Variants in EPM2A observed in about 807,000 individuals in gnomAD.
The protein encoded by EPM2A is EPM2A glucan phosphatase, laforin.
Under a neutral mutation model 26.5 loss-of-function variants are expected in EPM2A, and 21 were observed. That is an observed-to-expected ratio of 0.79 (90% CI 0.56 to 1.14). The LOEUF (loss-of-function observed/expected upper bound fraction) is 1.14, where lower values mean the gene tolerates loss of function less well. Ranked by LOEUF, EPM2A falls within the 50% of genes most tolerant of loss-of-function variation. The pLI is 0.00. For synonymous variants in EPM2A, 217 were observed against 177.6 expected (o/e 1.22, Z -1.76); for missense variants, 458 against 440.8 (o/e 1.04, Z -0.35).
At chr6:145,727,628 C>T (rs1583137616) in intron 1 of EPM2A, among the ~76,000 whole-genome samples, 1 of 152,172 alleles carries the variant, frequency 6.6e-6, no homozygotes, top group East Asian at 1.9e-4. Context: ...TACACATAGT[C>T]CCTACACTCA....
intron 2 of EPM2A, among the ~76,000 whole-genome samples, chr6:145,660,132 G>A (rs1477095303): frequency 1.3e-5 from 2 of 152,004 alleles, no homozygotes; most frequent in Non-Finnish European, 2.9e-5. Context: ...TTTGTCTCTA[G>A]CATGAGACTA....
intron 2 of EPM2A, among the ~76,000 whole-genome samples, chr6:145,560,265 C>G (rs1780786611): frequency 6.6e-6 from 1 of 152,112 alleles, no homozygotes; most frequent in Non-Finnish European, 1.5e-5. Flanking sequence ...GCAATCCACA[C>G]TTTTCTAGGA....
intron 1 of EPM2A, among the ~76,000 whole-genome samples, chr6:145,729,090 A>G (rs1256222470): frequency 1.3e-5 from 2 of 152,242 alleles, no homozygotes; most frequent in Non-Finnish European, 2.9e-5. Flanking sequence ...GCTAGTGCAC[A>G]GAGGGCAAGA....
intron 2 of EPM2A, among the ~76,000 whole-genome samples, chr6:145,597,587 T>C (rs1316947041): frequency 6.6e-6 from 1 of 152,106 alleles, no homozygotes; most frequent in Non-Finnish European, 1.5e-5. Context: ...TTTTTTTAAC[T>C]TTTCTTTTAG....
chr6:145,716,278 G>C (rs998126574), intron 1 of EPM2A, among the ~76,000 whole-genome samples: 3 of 152,140 alleles, frequency 2.0e-5, no homozygotes, highest in African/African-American at 7.2e-5. Flanking sequence ...ACTTTAAATG[G>C]ATGAATTCTA....
chr6:145,426,929 G>C (rs1318152878), intron 4 of EPM2A, among the ~76,000 whole-genome samples: 2 of 152,116 alleles, frequency 1.3e-5, no homozygotes, highest in African/African-American at 4.8e-5. Flanking sequence ...TGATGAAAGA[G>C]AATTATTTCT....
chr6:145,489,586 C>A (rs1339747898), intron 4 of EPM2A: 12 of 1,030,136 alleles, frequency 1.2e-5, no homozygotes, highest in Middle Eastern at 3.2e-4. Flanking sequence ...ATAATCCGTT[C>A]AAAAACCCAA....
intron 4 of EPM2A, among the ~76,000 whole-genome samples, chr6:145,386,686 C>T (rs1778266129): frequency 6.6e-6 from 1 of 152,000 alleles, no homozygotes; most frequent in Non-Finnish European, 1.5e-5. Context: ...AAATAAAAGG[C>T]CATATTCTGA....
At chr6:145,673,896 T>G (rs975958893) in intron 2 of EPM2A, among the ~76,000 whole-genome samples, 2 of 152,122 alleles carry the variant, frequency 1.3e-5, no homozygotes, top group Non-Finnish European at 2.9e-5. Context: ...GACTTAAACA[T>G]CCCTGTCTGA....
At chr6:145,436,697 TG>T (rs1335100463) in intron 4 of EPM2A, among the ~76,000 whole-genome samples, 1 of 152,212 alleles carries the variant, frequency 6.6e-6, no homozygotes, top group African/African-American at 2.4e-5. Context: ...TATCTTCACT[TG>T]TTCAATTTTA....
In EPM2A at chr6:145,416,867, A is replaced by AT. The variant is rs200461578; in HGVS notation, c.556-32771dup. Among the ~76,000 whole-genome samples, 948 of 147,604 alleles carry AT rather than the reference A, an allele frequency of 6.4e-3. 6 individuals are homozygous for AT. The highest frequency in any genetic ancestry group is 0.01 in the South Asian group (48 of 4,688). ...GTAGGAAATGTACACTGATTTCTTA[A>AT]TTTTTTTTTTTTACTGTCATTATAT... On this transcript the variant is annotated intron_variant, in intron 4 of 4. Coordinates refer to the EPM2A transcript ENST00000638717.
At chr6:145,521,992 G>A (rs1441297854) in intron 2 of EPM2A, among the ~76,000 whole-genome samples, 3 of 152,094 alleles carry the variant, frequency 2.0e-5, no homozygotes, top group African/African-American at 7.2e-5. Context: ...TCCCTCTGTC[G>A]CCCAGGCTGG....
At chr6:145,690,284 G>A (rs1056780613) in intron 1 of EPM2A, among the ~76,000 whole-genome samples, 1 of 152,042 alleles carries the variant, frequency 6.6e-6, no homozygotes, top group African/African-American at 2.4e-5. Flanking sequence ...GCCGAGGCGG[G>A]TGGATCATGA....
intron 2 of EPM2A, among the ~76,000 whole-genome samples, chr6:145,681,027 A>G (rs989003885): frequency 7.9e-5 from 12 of 151,914 alleles, no homozygotes; most frequent in Non-Finnish European, 1.6e-4. Flanking sequence ...AAGTGTTCCT[A>G]TTTCTCCACA....
chr6:145,391,731 G>A (rs975857303), intron 4 of EPM2A, among the ~76,000 whole-genome samples: 8 of 152,100 alleles, frequency 5.3e-5, no homozygotes, highest in Non-Finnish European at 8.8e-5. Context: ...TAGATTCCCC[G>A]TGATTGAAGA....
chr6:145,556,042 AT>A (rs887648679), intron 2 of EPM2A, among the ~76,000 whole-genome samples: 1 of 152,156 alleles, frequency 6.6e-6, no homozygotes, highest in Admixed American at 6.5e-5. Flanking sequence ...AGATTCCATT[AT>A]TTTTTTCTCT....
At chr6:145,684,343 C>CCAGAG (rs1320835862) in intron 2 of EPM2A, among the ~76,000 whole-genome samples, 1 of 152,072 alleles carries the variant, frequency 6.6e-6, no homozygotes, top group East Asian at 1.9e-4. Context: ...AAAAAAATCT[C>CCAGAG]CAGAGCCCAA....
intron 2 of EPM2A, among the ~76,000 whole-genome samples, chr6:145,575,091 G>C (rs1221428060): frequency 6.6e-6 from 1 of 152,080 alleles, no homozygotes; most frequent in African/African-American, 2.4e-5. Context: ...ACATTATCTT[G>C]CCTGTCAACT....
intron 4 of EPM2A, among the ~76,000 whole-genome samples, chr6:145,454,726 A>G (rs921713093): frequency 6.6e-6 from 1 of 152,170 alleles, no homozygotes; most frequent in African/African-American, 2.4e-5. Context: ...TACCTGGGTG[A>G]TTCACACAGA....
Sources: gnomAD v4.1 joint callset for allele counts (sites outside exome capture counted in the v4.1 genomes callset) on GRCh38, gnomAD v4.1.1 for gene constraint, MANE v1.5 for transcripts, NCBI Gene and HGNC (gene_info 2026-07-23, HGNC 2026-07-21) for gene names.